The following PRKCA variants were observed in gnomAD, a reference collection of about 807,000 sequenced individuals.
PRKCA encodes protein kinase C alpha.
In PRKCA, 27 loss-of-function variants were observed where a neutral mutation model predicts 87.0. The observed-to-expected ratio is 0.31, with a 90% CI of 0.23 to 0.43. The LOEUF is 0.43. Among genes scored for constraint, PRKCA ranks in the 20% least tolerant of loss-of-function variants. The probability of loss-of-function intolerance (pLI) is 1.00; values close to 1 mark genes in which losing one functional copy is unlikely to be tolerated. For synonymous variants in PRKCA, 329 were observed against 311.1 expected (o/e 1.06, Z -0.61); for missense variants, 518 against 852.3 (o/e 0.61, Z 4.88).
chr17:66,364,871 T>G (rs370244550), intron 2 of PRKCA, among the ~76,000 whole-genome samples: 34 of 152,352 alleles, frequency 2.2e-4, no homozygotes, highest in African/African-American at 8.2e-4. Flanking sequence ...GATTTTTTTC[T>G]TCTACGTGAG....
intron 13 of PRKCA, among the ~76,000 whole-genome samples, chr17:66,758,634 C>T (rs1260519226): frequency 3.3e-5 from 5 of 152,182 alleles, no homozygotes; most frequent in Non-Finnish European, 7.3e-5. Flanking sequence ...CTGTGGACGA[C>T]TCTTAATAAA....
intron 8 of PRKCA, among the ~76,000 whole-genome samples, chr17:66,727,971 G>A (rs959604632): frequency 2.6e-5 from 4 of 152,152 alleles, no homozygotes; most frequent in Admixed American, 6.5e-5. Flanking sequence ...CTCAACCCCA[G>A]CATTGATTAG....
Position 66,787,256 on chromosome 17 carries a change from A to G in PRKCA, c.1713+282A>G, listed in dbSNP as rs1405603085. ...CACTCAATATGGTGATTGAGGATTT[A>G]GTTCCTCCTTTCATATTGCTATGCA... On this transcript the variant is annotated intron_variant, in intron 15 of 16. Coordinates refer to ENST00000413366, the MANE Select transcript of PRKCA (RefSeq NM_002737.3). 2.3e-5 allele frequency: 13 copies of G among 558,142 alleles called. 1 individual carries two copies. Among genetic ancestry groups the G allele is most frequent in the Admixed American group, 1.6e-4 (7 of 45,050 alleles). 34.6% of individuals were successfully genotyped at this position (558,142 alleles called of 1,614,324 possible).
At chr17:66,622,782 G>A (rs1279589454) in intron 3 of PRKCA, among the ~76,000 whole-genome samples, 1 of 152,182 alleles carries the variant, frequency 6.6e-6, no homozygotes, top group Admixed American at 6.5e-5. Flanking sequence ...CGAGAGATGA[G>A]AAAGAATCAA....
chr17:66,674,153 G>T (rs1239860981), intron 5 of PRKCA, among the ~76,000 whole-genome samples: 1 of 152,218 alleles, frequency 6.6e-6, no homozygotes, highest in Non-Finnish European at 1.5e-5. Context: ...CCCTGGGGAT[G>T]CGAGGGGGTG....
At chr17:66,531,526 C>T (rs1011987132) in intron 3 of PRKCA, among the ~76,000 whole-genome samples, 2 of 152,174 alleles carry the variant, frequency 1.3e-5, no homozygotes, top group African/African-American at 2.4e-5. Context: ...TGTAGGCGAT[C>T]GCTTCCTTTT....
chr17:66,740,483 T>C (rs1379225127), intron 11 of PRKCA, among the ~76,000 whole-genome samples: 1 of 152,100 alleles, frequency 6.6e-6, no homozygotes, highest in African/African-American at 2.4e-5. Flanking sequence ...AAGAGACACA[T>C]TGGAAGAATT....
intron 16 of PRKCA, among the ~76,000 whole-genome samples, chr17:66,790,859 C>T (rs1364133785): frequency 6.6e-6 from 1 of 151,936 alleles, no homozygotes. Context: ...CGACTTGGCT[C>T]CGCAGGCAAG....
chr17:66,619,112 C>A (rs1970599092), intron 3 of PRKCA, among the ~76,000 whole-genome samples: 1 of 152,114 alleles, frequency 6.6e-6, no homozygotes, highest in Non-Finnish European at 1.5e-5. Context: ...CAATCCAAGT[C>A]AGCTGGAGAA....
intron 2 of PRKCA, among the ~76,000 whole-genome samples, chr17:66,427,642 T>G (rs545532093): frequency 1.3e-5 from 2 of 152,346 alleles, no homozygotes; most frequent in East Asian, 3.9e-4. Context: ...CTGTCAGGAC[T>G]GAAGATGTGC....
chr17:66,414,237 G>A (rs1702901122), intron 2 of PRKCA, among the ~76,000 whole-genome samples: 1 of 152,076 alleles, frequency 6.6e-6, no homozygotes, highest in South Asian at 2.1e-4. Context: ...CATGGGGGTG[G>A]ATCCTTCAGG....
intron 2 of PRKCA, among the ~76,000 whole-genome samples, chr17:66,342,145 G>A (rs1341182108): frequency 1.3e-5 from 2 of 152,094 alleles, no homozygotes; most frequent in South Asian, 2.1e-4. Context: ...AAATCATGGC[G>A]GGGCGCGGTG....
intron 16 of PRKCA, among the ~76,000 whole-genome samples, chr17:66,798,686 GTGGTGA>G (rs1975768113): frequency 5.5e-5 from 1 of 18,028 alleles, no homozygotes; most frequent in Non-Finnish European, 1.5e-4. Context: ...GGTGGTGGTG[GTGGTGA>G]TGGTGATGGT....
intron 2 of PRKCA, among the ~76,000 whole-genome samples, chr17:66,461,481 C>T (rs998979234): frequency 1.3e-5 from 2 of 152,222 alleles, no homozygotes; most frequent in African/African-American, 4.8e-5. Flanking sequence ...TTTCAAATAT[C>T]CTTCATTTTC....
intron 2 of PRKCA, among the ~76,000 whole-genome samples, chr17:66,463,382 GTTT>G (rs58154764): frequency 6.8e-6 from 1 of 146,500 alleles, no homozygotes; most frequent in African/African-American, 2.5e-5. Context: ...TTGATTCTGT[GTTT>G]TTTTTTTTTT....
chr17:66,713,067 T>TTTTTG (rs1403247186), intron 8 of PRKCA, among the ~76,000 whole-genome samples: 5,426 of 145,382 alleles, frequency 0.037, 196 homozygotes, highest in East Asian at 0.14. Flanking sequence ...TTTTTTTTTT[T>TTTTTG]TTGAGATGGA....
At chr17:66,790,530 A>AT (rs914494003) in intron 16 of PRKCA, among the ~76,000 whole-genome samples, 3 of 151,030 alleles carry the variant, frequency 2.0e-5, no homozygotes, top group African/African-American at 2.4e-5. Context: ...GTTAGGGATT[A>AT]TTTTTTTTTC....
chr17:66,354,722 C>A (rs1479491090), intron 2 of PRKCA, among the ~76,000 whole-genome samples: 1 of 152,084 alleles, frequency 6.6e-6, no homozygotes, highest in African/African-American at 2.4e-5. Context: ...ATTTCTCCAG[C>A]CGAGAAGCAG....
chr17:66,580,907 T>C (rs983221492), intron 3 of PRKCA, among the ~76,000 whole-genome samples: 3 of 146,590 alleles, frequency 2.0e-5, no homozygotes, highest in African/African-American at 7.8e-5. Context: ...AGAGAGGATG[T>C]AGGTTTAAGA....
Sources: allele counts gnomAD v4.1 joint callset (sites outside exome capture counted in the v4.1 genomes callset), GRCh38; gene constraint gnomAD v4.1.1; transcripts MANE v1.5; gene names NCBI Gene and HGNC (gene_info 2026-07-23, HGNC 2026-07-21).